The following EGFLAM variants were observed in gnomAD, a reference collection of about 807,000 sequenced individuals.
EGFLAM encodes the protein pikachurin.
A neutral mutation model predicts 113.1 loss-of-function variants in EGFLAM; 79 were observed. That is an observed-to-expected ratio of 0.70 (90% CI 0.58 to 0.84). The LOEUF (loss-of-function observed/expected upper bound fraction) is 0.84. EGFLAM is among the 40% of genes least tolerant of loss of function. EGFLAM has a pLI of 0.00. For synonymous variants in EGFLAM, 504 were observed against 487.6 expected, an observed-to-expected ratio of 1.03 and a Z score of -0.44; for missense variants, 1,265 against 1,291.6, an observed-to-expected ratio of 0.98 and a Z score of 0.32.
At chr5:38,395,721 T>G (rs1322126697) in intron 6 of EGFLAM, among the ~76,000 whole-genome samples, 4 of 152,200 alleles carry the variant, frequency 2.6e-5, no homozygotes, top group Non-Finnish European at 5.9e-5. Flanking sequence ...CCCACTGGAC[T>G]GTGAGCCACC....
At chr5:38,329,306 TAAATAAATA>T (rs1561280442) in intron 1 of EGFLAM, among the ~76,000 whole-genome samples, 1 of 110,208 alleles carries the variant, frequency 9.1e-6, no homozygotes, top group East Asian at 2.2e-4. Context: ...AATAAATAAA[TAAATAAATA>T]AATAAATAAA....
Position 38,463,899 on chromosome 5 carries a change from T to C in EGFLAM, c.2943T>C (p.Ser981=), listed in dbSNP as rs375255642. The stretch of plus-strand genomic sequence containing the variant: ...TGAGAGGGCTCGTGGGCTGTATCTC[T>C]CACTTCACCCTGTCCACCGATTACC... ...QYMRGLVGCI[S]HFTLSTDYHI... Residue 981 remains serine, a synonymous_variant, in exon 22 of 22, where the codon TCT becomes TCC. Coordinates refer to ENST00000322350, the MANE Select transcript of EGFLAM (RefSeq NM_152403.4). The C allele has an allele frequency of 1.9e-6, 3 of 1,614,128 alleles. No individual in the cohort carries two copies. The highest frequency in any genetic ancestry group is 2.5e-6 in the Non-Finnish European group (3 of 1,180,054).
intron 5 of EGFLAM, among the ~76,000 whole-genome samples, chr5:38,369,305 ATT>A (rs1369946679): frequency 6.6e-6 from 1 of 152,238 alleles, no homozygotes; most frequent in Non-Finnish European, 1.5e-5. Flanking sequence ...GATATTTCAC[ATT>A]CTTTTTTATT....
chr5:38,271,385 T>C (rs1036456371), intron 1 of EGFLAM, among the ~76,000 whole-genome samples: 3 of 152,238 alleles, frequency 2.0e-5, no homozygotes, highest in Non-Finnish European at 4.4e-5. Flanking sequence ...AAAATGAAGT[T>C]CTAATCCTAT....
At chr5:38,384,631 G>T (rs557200956) in intron 6 of EGFLAM, among the ~76,000 whole-genome samples, 1 of 152,114 alleles carries the variant, frequency 6.6e-6, no homozygotes, top group African/African-American at 2.4e-5. Flanking sequence ...AAAATCCTGC[G>T]GTTAGACTGA....
chr5:38,300,138 A>C (rs1332789318), intron 1 of EGFLAM, among the ~76,000 whole-genome samples: 2 of 152,206 alleles, frequency 1.3e-5, no homozygotes, highest in Non-Finnish European at 2.9e-5. Context: ...AAACAGTTAA[A>C]GGAAGTGAGG....
intron 6 of EGFLAM, among the ~76,000 whole-genome samples, chr5:38,405,303 C>G (rs781292273): frequency 2.4e-4 from 36 of 152,056 alleles, no homozygotes; most frequent in African/African-American, 8.7e-4. Flanking sequence ...CATTCACATC[C>G]CTTTTCTATC....
intron 6 of EGFLAM, among the ~76,000 whole-genome samples, chr5:38,392,091 C>T (rs942841777): frequency 6.6e-6 from 1 of 152,160 alleles, no homozygotes; most frequent in African/African-American, 2.4e-5. Flanking sequence ...ATCTTTTCTG[C>T]TCCTCTCCCT....
intron 1 of EGFLAM, chr5:38,290,819 C>A (rs1407643473): frequency 1.3e-5 from 2 of 152,622 alleles, no homozygotes; most frequent in Non-Finnish European, 2.9e-5. Context: ...CGGTGGCTCA[C>A]GCCTGTAATC....
intron 6 of EGFLAM, among the ~76,000 whole-genome samples, chr5:38,391,283 G>T (rs1740802277): frequency 6.6e-6 from 1 of 151,968 alleles, no homozygotes; most frequent in Non-Finnish European, 1.5e-5. Flanking sequence ...TGGTATATCA[G>T]GTCTTCATAC....
At chr5:38,411,702 C>T (rs1278997016) in intron 10 of EGFLAM, among the ~76,000 whole-genome samples, 2 of 152,056 alleles carry the variant, frequency 1.3e-5, no homozygotes, top group East Asian at 2.0e-4. Context: ...AGGATGGTAT[C>T]GAACTCCTGA....
chr5:38,458,513 C>T (rs1042252372), intron 20 of EGFLAM, 119 bp downstream of exon 20: 2 of 909,010 alleles, frequency 2.2e-6, no homozygotes, highest in Non-Finnish European at 1.6e-6. Context: ...CCTAGTTACC[C>T]CTGATCCAGG....
intron 1 of EGFLAM, among the ~76,000 whole-genome samples, chr5:38,265,032 G>A (rs1259818388): frequency 4.6e-5 from 7 of 152,196 alleles, no homozygotes; most frequent in African/African-American, 1.7e-4. Flanking sequence ...CTCTGTGAGA[G>A]GTAAAGAGAC....
At chr5:38,298,518 G>T (rs1758500470) in intron 1 of EGFLAM, among the ~76,000 whole-genome samples, 1 of 152,014 alleles carries the variant, frequency 6.6e-6, no homozygotes, top group Non-Finnish European at 1.5e-5. Flanking sequence ...CCTGTGTTGG[G>T]GTTTTGAGAT....
intron 1 of EGFLAM, among the ~76,000 whole-genome samples, chr5:38,329,010 G>A (rs1196340735): frequency 2.6e-5 from 4 of 151,868 alleles, no homozygotes; most frequent in African/African-American, 7.3e-5. Flanking sequence ...TTTTAAGATC[G>A]GGCACAGTGG....
chr5:38,270,314 T>G lies in EGFLAM; in HGVS notation c.97+11463T>G, dbSNP rs116479992. 1.4e-3 allele frequency among the ~76,000 whole-genome samples: 214 copies of G among 152,320 alleles called. 4 individuals are homozygous for G. The highest frequency in any genetic ancestry group is 0.014 in the Middle Eastern group (4 of 294). ...CCACCCAGATGACACTCTGAAGCTTTCCATCCCTCCACAATTTAGCCATCC... is the reference window on the plus strand; with the variant it reads ...CCACCCAGATGACACTCTGAAGCTTGCCATCCCTCCACAATTTAGCCATCC... On this transcript the variant is annotated intron_variant, in intron 1 of 21. Transcript: ENST00000322350.
chr5:38,444,671 G>T (rs144936725), intron 17 of EGFLAM, among the ~76,000 whole-genome samples: 1 of 152,088 alleles, frequency 6.6e-6, no homozygotes, highest in Non-Finnish European at 1.5e-5. Context: ...TTGGCCAGGC[G>T]CAGTGGCTCA....
chr5:38,306,294 A>G (rs1417430762), intron 1 of EGFLAM, among the ~76,000 whole-genome samples: 1 of 12,436 alleles, frequency 8.0e-5, no homozygotes, highest in Non-Finnish European at 1.4e-4. Context: ...TTGTTAGCCA[A>G]CTCACATATC....
chr5:38,289,694 A>C (rs1394027307), intron 1 of EGFLAM, among the ~76,000 whole-genome samples: 1 of 152,190 alleles, frequency 6.6e-6, no homozygotes, highest in Non-Finnish European at 1.5e-5. Flanking sequence ...CTTGGAACGC[A>C]TGGAGAAATG....
Sources: gnomAD v4.1 joint callset for allele counts (sites outside exome capture counted in the v4.1 genomes callset) on GRCh38, gnomAD v4.1.1 for gene constraint, MANE v1.5 for transcripts, NCBI Gene and HGNC (gene_info 2026-07-23, HGNC 2026-07-21) for gene names.